The following IQSEC1 variants were observed in gnomAD, a reference collection of about 807,000 sequenced individuals.
IQSEC1 encodes the protein IQ motif and Sec7 domain ArfGEF 1, also known as IQ motif and SEC7 domain-containing protein 1.
IQSEC1 carries 31 observed loss-of-function variants against 91.0 expected under a neutral mutation model. That is an observed-to-expected ratio of 0.34 (90% confidence interval 0.26 to 0.46). The LOEUF (loss-of-function observed/expected upper bound fraction) is 0.46, where lower values mean the gene tolerates loss of function less well. IQSEC1 is among the 20% of genes least tolerant of loss of function. IQSEC1 has a pLI of 1.00. For synonymous variants in IQSEC1, 699 were observed against 662.6 expected (o/e 1.05, Z -0.84); for missense variants, 1,388 against 1,575.6 (o/e 0.88, Z 2.02).
Position 13,073,155 on chromosome 3 carries a change from G to T in IQSEC1, c.-141C>A. On this transcript the variant is annotated 5_prime_UTR_variant, in exon 1 of 14. Transcript: ENST00000613206. ...CGGGGCGAGTCACATTCCCGGGGGT[G>T]GCGGGCTCCTCCAGGGAGGCTGGGG... 1.0e-6 allele frequency: 1 copy of T among 999,856 alleles called. No homozygotes were observed. The highest frequency in any genetic ancestry group is 1.4e-5 in the South Asian group (1 of 69,412). The allele number at this position is 999,856 out of a possible 1,614,324, so 61.9% of individuals were successfully genotyped here.
At chr3:13,111,205 G>C (rs1205861650) in intron 2 of IQSEC1, among the ~76,000 whole-genome samples, 1 of 152,150 alleles carries the variant, frequency 6.6e-6, no homozygotes, top group Non-Finnish European at 1.5e-5. Context: ...CTGATCCTCA[G>C]CCCACCTCCC....
exon 1 of IQSEC1, among the ~76,000 whole-genome samples, chr3:13,283,026 G>A (rs1270939743): frequency 6.9e-6 from 1 of 145,158 alleles, no homozygotes; most frequent in African/African-American, 2.5e-5. Context: ...CGAGCGGGCG[G>A]CGGGGCGGCG....
At chr3:13,079,062 G>A (rs1440498600) in intron 2 of IQSEC1, among the ~76,000 whole-genome samples, 1 of 152,218 alleles carries the variant, frequency 6.6e-6, no homozygotes, top group Non-Finnish European at 1.5e-5. Flanking sequence ...CCCTCACAAG[G>A]CCCTGGGTGT....
In IQSEC1 at chr3:12,979,739, G is replaced by A. The variant is rs147650089; in HGVS notation, c.24-37874C>T. 1.3e-4 allele frequency among the ~76,000 whole-genome samples: 20 copies of A among 152,214 alleles called. No individual in the cohort carries two copies. The South Asian group carries it at 1.7e-3, about 13-fold the overall frequency. On this transcript the variant is annotated intron_variant, in intron 1 of 13. Transcript: ENST00000613206. The surrounding 1 kb of genome is among the most constrained non-coding windows in gnomAD (Gnocchi z 4.3). Reference sequence around the variant, plus strand: ...TCCTGTCTGATGTCATCAGAAGGGCGGAAAGAGCACCGGAAGGAGAACTCT... The same window carrying A: ...TCCTGTCTGATGTCATCAGAAGGGCAGAAAGAGCACCGGAAGGAGAACTCT...
In IQSEC1 at chr3:13,135,560, T is replaced by C. The variant is rs1317306892; in HGVS notation, c.302+28544A>G. Among the ~76,000 whole-genome samples the C allele has an allele frequency of 2.6e-5, 4 of 152,220 alleles. No individual in the cohort carries two copies. The South Asian group carries it at 8.3e-4, about 32-fold the overall frequency. On this transcript the variant is annotated intron_variant, in intron 2 of 15. Coordinates refer to the IQSEC1 transcript ENST00000648114. ...CCCTGGGACAGGGATGGACCTTTTC[T>C]GATGAAGACAGGGCTCTCCCAGTTC...
Position 12,922,465 on chromosome 3 carries a change from G to A in IQSEC1, c.1731-223C>T, listed in dbSNP as rs765011073. 2.6e-4 allele frequency among the ~76,000 whole-genome samples: 40 copies of A among 152,318 alleles called. 1 individual carries two copies. The highest frequency in any genetic ancestry group is 3.4e-3 in the Middle Eastern group (1 of 294). ...AGCCCCTGGAACTGTAGGGAAGCGC[G>A]TGTGCCTATATTTATGCTGGCAGTT... On this transcript the variant is annotated intron_variant, in intron 4 of 13. Coordinates refer to ENST00000613206, the MANE Select transcript of IQSEC1 (RefSeq NM_001134382.3). This position sits in a 1 kb window ranked among gnomAD's most constrained non-coding sequence, Gnocchi z 5.1.
rs981768237 is a variant in IQSEC1 at position 12,900,827 on chromosome 3, C to G, written c.*156G>C. On this transcript the variant is annotated 3_prime_UTR_variant, in exon 14 of 14. Transcript: ENST00000613206. ...GGCCTTTGTTCCACACAACACCAGC[C>G]CTGTGGGCTCCTGGGGCTCCGGTTG... 2 of 1,507,008 alleles carry G rather than the reference C, an allele frequency of 1.3e-6. No individual in the cohort carries two copies. Among genetic ancestry groups the G allele is most frequent in the Non-Finnish European group, 1.8e-6 (2 of 1,133,162 alleles). 93.4% of individuals were successfully genotyped at this position (1,507,008 alleles called of 1,614,324 possible). A position where few individuals can be genotyped will look rare whatever the true frequency, so the allele number is the denominator to read the frequency against.
intron 2 of IQSEC1, among the ~76,000 whole-genome samples, chr3:13,127,353 G>A (rs576422019): frequency 7.9e-5 from 12 of 152,106 alleles, no homozygotes; most frequent in Non-Finnish European, 1.8e-4. Context: ...GGCAGAGGTT[G>A]CAGTGAGCCG....
rs907696561 is a variant in IQSEC1 at position 13,100,064 on chromosome 3, TG to T, written c.303-52543del. On this transcript the variant is annotated intron_variant, in intron 2 of 15. Transcript: ENST00000648114. Reference sequence around the variant, plus strand: ...CTTGGGAGAGTTCCGAGTAGGAGGATGGGAGGAGTCCGCTGGATTTGTGCTG... The same window carrying T: ...CTTGGGAGAGTTCCGAGTAGGAGGATGGAGGAGTCCGCTGGATTTGTGCTG... Among the ~76,000 whole-genome samples the T allele has an allele frequency of 2.8e-4, 41 of 147,714 alleles. 5 individuals carry two copies. Among genetic ancestry groups the T allele is most frequent in the Non-Finnish European group, 2.7e-4 (18 of 66,878 alleles).
intron 1 of IQSEC1, among the ~76,000 whole-genome samples, chr3:13,054,280 A>G (rs1030931283): frequency 6.6e-6 from 1 of 152,070 alleles, no homozygotes. Context: ...GTACACCCGG[A>G]TGTCCACCCA....
At chr3:13,040,078 C>A (rs970611409) in intron 1 of IQSEC1, among the ~76,000 whole-genome samples, 7 of 152,224 alleles carry the variant, frequency 4.6e-5, no homozygotes, top group Non-Finnish European at 1.0e-4. Context: ...CCCTGCCCCA[C>A]CTTCCTTTCT....
At chr3:13,029,695 C>T (rs551551085) in intron 1 of IQSEC1, among the ~76,000 whole-genome samples, 17 of 152,348 alleles carry the variant, frequency 1.1e-4, no homozygotes, top group South Asian at 2.1e-4. Context: ...AGTGTGTGTG[C>T]GCACATGCGG....
intron 2 of IQSEC1, among the ~76,000 whole-genome samples, chr3:12,939,517 G>A (rs1358865107): frequency 6.6e-6 from 1 of 152,208 alleles, no homozygotes; most frequent in Non-Finnish European, 1.5e-5. Context: ...ACTCCTCGTG[G>A]AATCGGGCAC....
chr3:13,037,362 G>A (rs1039616211), intron 1 of IQSEC1, among the ~76,000 whole-genome samples: 2 of 152,182 alleles, frequency 1.3e-5, no homozygotes, highest in Non-Finnish European at 2.9e-5. Context: ...ATCCCTGTCT[G>A]TAATGTCGAA....
chr3:13,276,587 G>A (rs922761284), intron 1 of IQSEC1, among the ~76,000 whole-genome samples: 10 of 152,176 alleles, frequency 6.6e-5, no homozygotes, highest in African/African-American at 2.2e-4. Flanking sequence ...AGGCAGGGCT[G>A]GGATCCTGCC....
chr3:13,049,926 T>C (rs1704632424), intron 1 of IQSEC1, among the ~76,000 whole-genome samples: 1 of 152,178 alleles, frequency 6.6e-6, no homozygotes. Flanking sequence ...GAAGTCTGCA[T>C]GTGAAGACGG....
At chr3:13,092,990 C>T (rs567485839) in intron 2 of IQSEC1, among the ~76,000 whole-genome samples, 93 of 152,212 alleles carry the variant, frequency 6.1e-4, no homozygotes, top group Middle Eastern at 6.8e-3. Context: ...AGCACCCAGG[C>T]ACAAGCTGCT....
intron 1 of IQSEC1, among the ~76,000 whole-genome samples, chr3:12,976,152 C>T (rs747918287): frequency 1.3e-5 from 2 of 152,262 alleles, no homozygotes; most frequent in Non-Finnish European, 2.9e-5. Context: ...CTCCCTGAAC[C>T]CCACTCCCAG....
chr3:13,164,734 G>C (rs189645965), intron 1 of IQSEC1, among the ~76,000 whole-genome samples: 22 of 152,320 alleles, frequency 1.4e-4, no homozygotes, highest in African/African-American at 4.6e-4. Flanking sequence ...TATTGACAGT[G>C]ATGCCTTCCT....
Sources: gnomAD v4.1 joint callset for allele counts (sites outside exome capture counted in the v4.1 genomes callset) on GRCh38, gnomAD v4.1.1 for gene constraint, Gnocchi (gnomAD v3.1) non-coding constraint, MANE v1.5 for transcripts, NCBI Gene and HGNC (gene_info 2026-07-23, HGNC 2026-07-21) for gene names.